Variants in AXDND1 observed in about 807,000 individuals in gnomAD.
AXDND1 encodes the protein axonemal dynein light chain domain containing 1.
AXDND1 carries 110 observed loss-of-function variants against 137.5 expected under a neutral mutation model. The observed-to-expected ratio is 0.80, with a 90% confidence interval of 0.69 to 0.94. The LOEUF (loss-of-function observed/expected upper bound fraction) is 0.94, where lower values mean the gene tolerates loss of function less well. AXDND1 is among the 40% of genes least tolerant of loss of function. AXDND1 has a pLI of 0.00. For synonymous variants in AXDND1, 414 were observed against 399.7 expected, an observed-to-expected ratio of 1.04 and a Z score of -0.43; for missense variants, 1,191 against 1,169.8, an observed-to-expected ratio of 1.02 and a Z score of -0.26.
rs1230723871 is a variant in AXDND1 at position 179,489,159 on chromosome 1, AAG to A, written c.2092-2377_2092-2376del. On this transcript the variant is annotated intron_variant, in intron 18 of 25. Coordinates refer to ENST00000367618, the MANE Select transcript of AXDND1 (RefSeq NM_144696.6). The stretch of plus-strand genomic sequence containing the variant: ...GTCAATTCATCTTAAAATGTCTTTT[AAG>A]AATTTTATATAAGAATCACAGTAAA... Among the ~76,000 whole-genome samples, 2 of 125,726 alleles carry A rather than the reference AAG, an allele frequency of 1.6e-5. 1 individual carries two copies. The highest frequency in any genetic ancestry group is 7.1e-5 in the African/African-American group (2 of 28,270). The allele number at this position is 125,726 out of a possible 152,430, so 82.5% of individuals were successfully genotyped here. A position where few individuals can be genotyped will look rare whatever the true frequency, so the allele number is the denominator to read the frequency against.
chr1:179,421,320 G>C (rs2125270054), intron 12 of AXDND1, among the ~76,000 whole-genome samples: 1 of 130,932 alleles, frequency 7.6e-6, no homozygotes, highest in African/African-American at 3.0e-5. Flanking sequence ...GGTTCTCTAT[G>C]GTTTCCTTCC....
chr1:179,530,028 C>T (rs1017492994), intron 23 of AXDND1, among the ~76,000 whole-genome samples: 1 of 151,952 alleles, frequency 6.6e-6, no homozygotes. Context: ...AATACAATGT[C>T]GTGAGATTTA....
At chr1:179,422,863 A>G (rs914285070) in intron 12 of AXDND1, among the ~76,000 whole-genome samples, 25 of 152,224 alleles carry the variant, frequency 1.6e-4, no homozygotes, top group African/African-American at 6.0e-4. Flanking sequence ...TCGTGGGTTC[A>G]AGTAATTCTC....
chr1:179,400,865 A>G (rs1340858165), intron 11 of AXDND1, among the ~76,000 whole-genome samples: 2 of 129,188 alleles, frequency 1.5e-5, no homozygotes, highest in Admixed American at 9.8e-5. Flanking sequence ...AGATCATGCC[A>G]CTGCACTCCA....
chr1:179,514,823 C>T (rs959000996), intron 21 of AXDND1, among the ~76,000 whole-genome samples: 5 of 152,144 alleles, frequency 3.3e-5, no homozygotes, highest in African/African-American at 1.2e-4. Context: ...TAATGTCCCT[C>T]TTTGTCTCTT....
chr1:179,498,510 T>A (rs1667680899), intron 20 of AXDND1, among the ~76,000 whole-genome samples: 1 of 152,086 alleles, frequency 6.6e-6, no homozygotes, highest in African/African-American at 2.4e-5. Flanking sequence ...AATATTCTTC[T>A]TGACATTGAC....
At chr1:179,488,635 CTTT>C (rs1666402537) in intron 18 of AXDND1, among the ~76,000 whole-genome samples, 1 of 26,160 alleles carries the variant, frequency 3.8e-5, no homozygotes, top group Non-Finnish European at 7.8e-5. Flanking sequence ...TCTCTCTCTC[CTTT>C]CTTTCTTTCT....
At chr1:179,473,234 G>A (rs1170408163) in intron 17 of AXDND1, among the ~76,000 whole-genome samples, 2 of 152,000 alleles carry the variant, frequency 1.3e-5, no homozygotes, top group Non-Finnish European at 2.9e-5. Flanking sequence ...TTCAGGTCAT[G>A]CCTGTAATCC....
In AXDND1 at chr1:179,381,149, T is replaced by C. The variant is rs559407734; in HGVS notation, c.582-1551T>C. ...TCCGCCTCCCAGGTTCAAGCGATTC[T>C]CCTGCCTCAGCCTCCTGAGTAGCTG... On this transcript the variant is annotated intron_variant, in intron 6 of 25. Coordinates refer to ENST00000367618, the MANE Select transcript of AXDND1 (RefSeq NM_144696.6). Among the ~76,000 whole-genome samples, 3 of 149,112 alleles carry C rather than the reference T, an allele frequency of 2.0e-5. No individual in the cohort carries two copies. In the East Asian group the frequency reaches 6.1e-4, roughly 30 times the overall value.
intron 21 of AXDND1, among the ~76,000 whole-genome samples, chr1:179,520,310 T>C (rs896524777): frequency 2.0e-5 from 3 of 152,226 alleles, no homozygotes; most frequent in Non-Finnish European, 2.9e-5. Context: ...TTTCTAGATA[T>C]AGGATCATGT....
chr1:179,532,430 T>G (rs1671120666), intron 23 of AXDND1, among the ~76,000 whole-genome samples: 1 of 152,104 alleles, frequency 6.6e-6, no homozygotes, highest in Non-Finnish European at 1.5e-5. Flanking sequence ...ACAAATAAGT[T>G]AGTAGTGTGT....
chr1:179,415,686 T>G (rs1050670883), intron 12 of AXDND1, among the ~76,000 whole-genome samples: 3 of 151,952 alleles, frequency 2.0e-5, no homozygotes, highest in African/African-American at 7.2e-5. Flanking sequence ...ATTAATGAAC[T>G]TTCTTTTCTC....
At position 179,492,861 on chromosome 1, in the gene AXDND1, C is replaced by T. The variant is rs1247517953; in HGVS notation, c.2298C>T (p.Cys766=). Residue 766 remains cysteine (C), a synonymous_variant, in exon 20 of 26, where the codon TGC becomes TGT. Transcript: ENST00000367618. ...TTTTTCCCCCTTTTTGCAGTTGTTG[C>T]AAAGGGATGGTAACAGCAATGGCTC... ...YQYSSYLSSC[C]KGMVTAMALS... The T allele has an allele frequency of 2.5e-6, 4 of 1,596,952 alleles. No individual in the cohort carries two copies. The highest frequency in any genetic ancestry group is 3.4e-6 in the Non-Finnish European group (4 of 1,174,210).
At chr1:179,367,775 TAAGAGAAACTCA>T (rs1558076032) in intron 2 of AXDND1, among the ~76,000 whole-genome samples, 1 of 152,292 alleles carries the variant, frequency 6.6e-6, no homozygotes. Context: ...ATAGCAGAGA[TAAGAGAAACTCA>T]ATTTAGTACA....
At chr1:179,411,084 A>AAT (rs569226231) in intron 11 of AXDND1, 62 bp from the exon 12 acceptor site, 2 of 1,323,704 alleles carry the variant, frequency 1.5e-6, no homozygotes, top group African/African-American at 3.1e-5. Context: ...TTTTTTAAAA[A>AAT]ATATATGTGT....
intron 8 of AXDND1, 78 bp downstream of exon 8, chr1:179,383,622 C>A: frequency 9.4e-7 from 1 of 1,063,340 alleles, no homozygotes; most frequent in Non-Finnish European, 1.4e-6. Context: ...AGAATTCTGA[C>A]CCTGCCATAT....
At chr1:179,367,137 G>A (rs951005776) in intron 2 of AXDND1, among the ~76,000 whole-genome samples, 7 of 151,828 alleles carry the variant, frequency 4.6e-5, no homozygotes, top group Non-Finnish European at 7.4e-5. Context: ...CAAGAGAATC[G>A]CTTGAACCCA....
At chr1:179,514,747 A>G (rs1207506263) in intron 21 of AXDND1, among the ~76,000 whole-genome samples, 2 of 152,134 alleles carry the variant, frequency 1.3e-5, no homozygotes, top group African/African-American at 4.8e-5. Flanking sequence ...TGGGAGCACC[A>G]GTGTTAGGTG....
At chr1:179,452,325 A>C (rs1439055725) in intron 16 of AXDND1, 1 of 152,980 alleles carries the variant, frequency 6.5e-6, no homozygotes, top group Non-Finnish European at 1.5e-5. Context: ...AGTGCTGTTA[A>C]AGGCATTCAG....
Sources: gnomAD v4.1 joint callset for allele counts (sites outside exome capture counted in the v4.1 genomes callset) on GRCh38, gnomAD v4.1.1 for gene constraint, MANE v1.5 for transcripts, NCBI Gene and HGNC (gene_info 2026-07-23, HGNC 2026-07-21) for gene names.